Variants in DNAI7 observed in about 807,000 individuals in gnomAD.
The protein encoded by DNAI7 is cancer susceptibility 1.
Under a neutral mutation model 86.6 loss-of-function variants are expected in DNAI7, and 78 were observed. The observed-to-expected ratio is 0.90, with a 90% CI of 0.75 to 1.09. DNAI7 has a LOEUF of 1.09. Ranked by LOEUF, DNAI7 falls within the 50% of genes least tolerant of loss-of-function variation. DNAI7 has a pLI of 0.00. For missense variants in DNAI7, 753 were observed against 810.2 expected, an observed-to-expected ratio of 0.93 and a Z score of 0.86; for synonymous variants, 274 against 273.0, an observed-to-expected ratio of 1.00 and a Z score of -0.04.
At position 25,161,140 on chromosome 12, in the gene DNAI7, C is replaced by G; in HGVS notation, c.79G>C (p.Glu27Gln). The change falls in exon 3 of 16, where the codon GAG becomes CAG. Residue 27 changes from glutamate to glutamine, a missense_variant. By Grantham distance (29) the Glu-to-Gln change is conservative. Coordinates refer to ENST00000395987, the MANE Select transcript of DNAI7 (RefSeq NM_018272.5). Reference protein sequence around the residue: ...KAERLKLLQEEEERRLKEEEE... With the variant: ...KAERLKLLQEQEERRLKEEEE... ...TCCTCTTTCAGTCGTCTCTCCTCCT[C>G]CTCTTGTAGCAGCTTCAATCGTTCA... The G allele has an allele frequency of 1.2e-6, 2 of 1,613,874 alleles. No individual in the cohort carries two copies. The highest frequency in any genetic ancestry group is 1.7e-6 in the Non-Finnish European group (2 of 1,179,852).
chr12:25,176,721 ATC>A (rs1386252355), intron 2 of DNAI7, among the ~76,000 whole-genome samples: 1 of 151,806 alleles, frequency 6.6e-6, no homozygotes. Context: ...CCTACAGATA[ATC>A]TCTGACTTTT....
intron 7 of DNAI7, among the ~76,000 whole-genome samples, chr12:25,148,421 G>A (rs1592424021): frequency 6.6e-6 from 1 of 152,304 alleles, no homozygotes; most frequent in Non-Finnish European, 1.5e-5. Context: ...TCTCCCCACT[G>A]CAAAGTACAT....
intron 9 of DNAI7, among the ~76,000 whole-genome samples, chr12:25,142,085 T>C (rs1944263232): frequency 6.6e-6 from 1 of 152,070 alleles, no homozygotes; most frequent in South Asian, 2.1e-4. Flanking sequence ...TGCAAAAACA[T>C]GGAACCAGCC....
chr12:25,110,341 C>A, intron 14 of DNAI7, 101 bp from the exon 15 acceptor site: 1 of 681,512 alleles, frequency 1.5e-6, no homozygotes. Flanking sequence ...GACGGATCCA[C>A]TTAAAATTGT....
At chr12:25,174,396 C>T (rs796271872) in intron 2 of DNAI7, among the ~76,000 whole-genome samples, 10 of 212 alleles carry the variant, frequency 0.047, 3 homozygotes, top group African/African-American at 0.069. Context: ...TGGGATATAT[C>T]ATATATATGG....
intron 4 of DNAI7, among the ~76,000 whole-genome samples, chr12:25,158,045 A>C (rs760096582): frequency 5.3e-5 from 8 of 152,014 alleles, no homozygotes; most frequent in Admixed American, 5.2e-4. Context: ...CTGGCTAACA[A>C]GGTGAAACCC....
chr12:25,117,527 ACTC>A (rs1336287002), intron 12 of DNAI7, among the ~76,000 whole-genome samples: 1 of 152,010 alleles, frequency 6.6e-6, no homozygotes, highest in Admixed American at 6.6e-5. Flanking sequence ...ACAAAGGTGT[ACTC>A]CTCTCATCTA....
chr12:25,115,169 C>A (rs1186626043), intron 12 of DNAI7, among the ~76,000 whole-genome samples: 3 of 152,220 alleles, frequency 2.0e-5, no homozygotes, highest in East Asian at 3.8e-4. Flanking sequence ...CTTTCCCTAA[C>A]AACACTGTAT....
chr12:25,154,175 T>A, intron 6 of DNAI7, 144 bp downstream of exon 6: 1 of 620,064 alleles, frequency 1.6e-6, no homozygotes, highest in Non-Finnish European at 2.6e-6. Context: ...AAAAAGAAAA[T>A]GAAAAGATTA....
chr12:25,144,260 C>G, intron 9 of DNAI7, 105 bp downstream of exon 9: 1 of 951,962 alleles, frequency 1.1e-6, no homozygotes, highest in Admixed American at 2.4e-5. Context: ...AAGTGGCTCC[C>G]AGACAATTTC....
At chr12:25,160,522 C>G (rs180805804) in intron 3 of DNAI7, among the ~76,000 whole-genome samples, 1 of 152,330 alleles carries the variant, frequency 6.6e-6, no homozygotes, top group East Asian at 1.9e-4. Context: ...CCGGCCAAAG[C>G]GCTCACCCCG....
chr12:25,119,055 T>G, intron 12 of DNAI7, 90 bp downstream of exon 12: 1 of 988,860 alleles, frequency 1.0e-6, no homozygotes, highest in South Asian at 2.0e-5. Context: ...TGTAAGATAG[T>G]AAGCTCAGTT....
intron 9 of DNAI7, among the ~76,000 whole-genome samples, chr12:25,124,566 G>A (rs1428111878): frequency 6.6e-6 from 1 of 152,188 alleles, no homozygotes; most frequent in African/African-American, 2.4e-5. Flanking sequence ...AAATGTGTGG[G>A]TGAAGACAGG....
chr12:25,158,360 A>G, intron 4 of DNAI7, 112 bp downstream of exon 4: 2 of 765,494 alleles, frequency 2.6e-6, no homozygotes, highest in South Asian at 3.6e-5. Context: ...GATTAAGTTC[A>G]TGTAGGCCTA....
At chr12:25,148,930 G>A (rs1945176213) in intron 7 of DNAI7, among the ~76,000 whole-genome samples, 2 of 152,002 alleles carry the variant, frequency 1.3e-5, no homozygotes, top group Admixed American at 1.3e-4. Flanking sequence ...AAGAAATCTG[G>A]TTCATGCTGA....
intron 13 of DNAI7, among the ~76,000 whole-genome samples, chr12:25,112,445 C>A (rs370218433): frequency 8.0e-6 from 1 of 124,720 alleles, no homozygotes; most frequent in African/African-American, 3.1e-5. Flanking sequence ...CTCCCTCTGT[C>A]GCCCAGGCTG....
In DNAI7 at chr12:25,119,151, C is replaced by G. The variant is rs772472867; in HGVS notation, c.1390G>C (p.Ala464Pro). Reference protein sequence around the residue: ...FEDPVVVRWDAEGKHWRTDGI... With the variant: ...FEDPVVVRWDPEGKHWRTDGI... ...ATAATTATAAAAGCTGTACCTTCAGCATCCCACCTTACAACCACAGGATCC... is the reference window on the plus strand; with the variant it reads ...ATAATTATAAAAGCTGTACCTTCAGGATCCCACCTTACAACCACAGGATCC... Residue 464 changes from alanine (A) to proline (P), a missense_variant, in exon 12 of 16, where the codon GCT becomes CCT. Transcript: ENST00000395987. 1.3e-6 allele frequency: 2 copies of G among 1,599,158 alleles called. No individual in the cohort carries two copies. Among genetic ancestry groups the G allele is most frequent in the Non-Finnish European group, 1.7e-6 (2 of 1,175,778 alleles).
At chr12:25,161,055 A>C in intron 3 of DNAI7, 58 bp downstream of exon 3, 1 of 1,316,338 alleles carries the variant, frequency 7.6e-7, no homozygotes, top group Non-Finnish European at 1.1e-6. Flanking sequence ...ACTACAAAAG[A>C]CCAACCTATC....
intron 2 of DNAI7, among the ~76,000 whole-genome samples, chr12:25,166,019 A>AT (rs1478989917): frequency 6.6e-6 from 1 of 151,668 alleles, no homozygotes; most frequent in Non-Finnish European, 1.5e-5. Flanking sequence ...CTCCCTTTGT[A>AT]TCTCCCCATC....
Sources: gnomAD v4.1 joint callset for allele counts (sites outside exome capture counted in the v4.1 genomes callset) on GRCh38, gnomAD v4.1.1 for gene constraint, MANE v1.5 for transcripts, NCBI Gene and HGNC (gene_info 2026-07-23, HGNC 2026-07-21) for gene names.